DNMBP: variants seen among roughly 807,000 people sequenced by gnomAD.
DNMBP encodes dynamin binding protein, also known as dynamin-binding protein.
DNMBP carries 87 observed loss-of-function variants against 150.0 expected under a neutral mutation model. The observed-to-expected ratio is 0.58, with a 90% CI of 0.49 to 0.69. The LOEUF (loss-of-function observed/expected upper bound fraction) is 0.69, where lower values mean the gene tolerates loss of function less well. Ranked by LOEUF, DNMBP falls within the 30% of genes least tolerant of loss-of-function variation. The probability of loss-of-function intolerance (pLI) is 0.00; values close to 1 mark genes in which losing one functional copy is unlikely to be tolerated. For synonymous variants in DNMBP, 711 were observed against 750.4 expected, an observed-to-expected ratio of 0.95 and a Z score of 0.86; for missense variants, 1,774 against 1,949.0, an observed-to-expected ratio of 0.91 and a Z score of 1.69.
intron 11 of DNMBP, among the ~76,000 whole-genome samples, chr10:99,890,312 G>A (rs1275630341): frequency 2.6e-5 from 4 of 152,052 alleles, no homozygotes; most frequent in South Asian, 2.1e-4. Flanking sequence ...TGGTTTTCTC[G>A]CTGTTAGTCA....
chr10:99,929,820 T>C (rs1008014314), intron 4 of DNMBP: 1 of 702,964 alleles, frequency 1.4e-6, no homozygotes. Flanking sequence ...CTGCAGACCA[T>C]CCAGAAGGAT....
At chr10:99,982,945 A>G (rs12777851) in intron 1 of DNMBP, among the ~76,000 whole-genome samples, 70,183 of 150,958 alleles carry the variant, frequency 0.46, 17,288 homozygotes, top group African/African-American at 0.63. Flanking sequence ...CAGCCTGTGC[A>G]ACAGAGCGAG....
At chr10:99,955,130 C>T (rs1339606540) in intron 4 of DNMBP, 84 bp downstream of exon 4, 2 of 1,156,108 alleles carry the variant, frequency 1.7e-6, no homozygotes, top group Admixed American at 4.3e-5. Flanking sequence ...AGGATGGTAA[C>T]ATATCCCTAA....
intron 11 of DNMBP, among the ~76,000 whole-genome samples, chr10:99,889,973 T>G (rs1384987813): frequency 1.3e-5 from 2 of 152,330 alleles, no homozygotes; most frequent in African/African-American, 4.8e-5. Flanking sequence ...CCTGCCATGC[T>G]ACTGATCATC....
intron 3 of DNMBP, among the ~76,000 whole-genome samples, chr10:99,962,630 C>CAAA (rs575912102): frequency 7.0e-6 from 1 of 143,222 alleles, no homozygotes; most frequent in Admixed American, 7.0e-5. Flanking sequence ...GACTCCGTCT[C>CAAA]AAAAAAAAAA....
intron 1 of DNMBP, among the ~76,000 whole-genome samples, chr10:99,974,576 C>A (rs1289536464): frequency 6.6e-6 from 1 of 152,044 alleles, no homozygotes; most frequent in Non-Finnish European, 1.5e-5. Context: ...TAGCTCACTG[C>A]AGCCTTGAAC....
chr10:99,898,289 T>C lies in DNMBP; in HGVS notation c.2721-4A>G. The C allele has an allele frequency of 6.2e-7, 1 of 1,610,406 alleles. No homozygotes were observed. ...GTTAATATAATTTGTGCATCCCCTG[T>C]AAGAGAAGGAAAAAAGACTTTAGTA... On this transcript the variant is annotated splice_polypyrimidine_tract_variant and splice_region_variant and intron_variant, in intron 8 of 16. Coordinates refer to ENST00000324109, the MANE Select transcript of DNMBP (RefSeq NM_015221.4).
At chr10:99,984,764 C>G (rs2040813427) in intron 1 of DNMBP, among the ~76,000 whole-genome samples, 2 of 152,214 alleles carry the variant, frequency 1.3e-5, no homozygotes, top group Admixed American at 1.3e-4. Context: ...GGGTCTCACT[C>G]TGTTGCCCAG....
chr10:99,928,904 GA>G (rs2040112795), intron 4 of DNMBP, among the ~76,000 whole-genome samples: 1 of 152,134 alleles, frequency 6.6e-6, no homozygotes. Flanking sequence ...AGTACTTTGG[GA>G]AGCAGAGGTG....
At chr10:99,973,854 G>A (rs1564751270) in intron 1 of DNMBP, among the ~76,000 whole-genome samples, 3 of 152,236 alleles carry the variant, frequency 2.0e-5, no homozygotes, top group South Asian at 2.1e-4. Flanking sequence ...AGTGGCGGGT[G>A]CCTGTAATCC....
At chr10:99,912,780 C>T (rs541536858) in intron 4 of DNMBP, among the ~76,000 whole-genome samples, 1 of 152,284 alleles carries the variant, frequency 6.6e-6, no homozygotes, top group African/African-American at 2.4e-5. Flanking sequence ...CCACCTCAGC[C>T]TCCCAAGTAG....
At chr10:99,880,997 G>A (rs551068921) in intron 15 of DNMBP, among the ~76,000 whole-genome samples, 1 of 152,096 alleles carries the variant, frequency 6.6e-6, no homozygotes, top group African/African-American at 2.4e-5. Flanking sequence ...TGGCTGAGGA[G>A]GGCAGATCAC....
rs779788791 is a variant in DNMBP, at chr10:99,972,113, G to C, written c.12C>G (p.Gly4=). The part of the protein sequence containing the change: MEA[G]SVVRAIFDFC... ...AGTCAAAAATGGCTCGAACCACTGA[G>C]CCAGCCTCCATGTTTTATAACCTGG... The change falls in exon 2 of 17, where the codon GGC becomes GGG. Residue 4 remains glycine (G), a synonymous_variant. Transcript: ENST00000324109. The C allele has an allele frequency of 1.2e-5, 20 of 1,611,806 alleles. No individual in the cohort carries two copies. The highest frequency in any genetic ancestry group is 1.6e-5 in the Non-Finnish European group (19 of 1,179,494).
At chr10:99,980,382 G>C (rs2040769639) in intron 1 of DNMBP, among the ~76,000 whole-genome samples, 1 of 151,664 alleles carries the variant, frequency 6.6e-6, no homozygotes, top group East Asian at 1.9e-4. Context: ...AGAAGGCAGA[G>C]GTTGCAGTGA....
intron 1 of DNMBP, among the ~76,000 whole-genome samples, chr10:100,006,586 C>T (rs1259201718): frequency 1.3e-5 from 2 of 152,158 alleles, no homozygotes; most frequent in South Asian, 2.1e-4. Context: ...AGCTCTCCAA[C>T]GGCTTCCCCC....
chr10:99,906,198 A>C (rs1321840558), intron 6 of DNMBP, among the ~76,000 whole-genome samples: 2 of 151,980 alleles, frequency 1.3e-5, no homozygotes, highest in Non-Finnish European at 2.9e-5. Flanking sequence ...AATTCCATCT[A>C]GTGTAAGCCA....
chr10:99,938,632 C>T lies in DNMBP; in HGVS notation c.2260+16582G>A, dbSNP rs372078155. 1.5e-4 allele frequency among the ~76,000 whole-genome samples: 23 copies of T among 152,250 alleles called. No individual in the cohort carries two copies. The South Asian group carries it at 3.9e-3, about 26-fold the overall frequency. On this transcript the variant is annotated intron_variant, in intron 4 of 16. Coordinates refer to ENST00000324109, the MANE Select transcript of DNMBP (RefSeq NM_015221.4). The stretch of plus-strand genomic sequence containing the variant: ...GGGCTTCCCCCACCCTTTCTAAGTC[C>T]GATTGCCTTTAGGACTTTAAAGATA...
At chr10:99,947,807 T>C (rs2862920) in intron 4 of DNMBP, among the ~76,000 whole-genome samples, 70,839 of 152,050 alleles carry the variant, frequency 0.47, 17,482 homozygotes, top group African/African-American at 0.63. Context: ...TTAAATAGTT[T>C]TTGACATTTA....
At chr10:99,894,904 T>G in intron 11 of DNMBP, 42 bp downstream of exon 11, 1 of 1,433,906 alleles carries the variant, frequency 7.0e-7, no homozygotes, top group Non-Finnish European at 9.8e-7. Flanking sequence ...GGGACAGAAT[T>G]ACATCGTATG....
Sources: allele counts gnomAD v4.1 joint callset (sites outside exome capture counted in the v4.1 genomes callset), GRCh38; gene constraint gnomAD v4.1.1; transcripts MANE v1.5; gene names NCBI Gene and HGNC (gene_info 2026-07-23, HGNC 2026-07-21).